The following KCNMA1 variants were observed in gnomAD, a reference collection of about 807,000 sequenced individuals.
KCNMA1 encodes the protein Calcium-activated potassium channel subunit alpha-1.
Under a neutral mutation model 140.0 loss-of-function variants are expected in KCNMA1, and 29 were observed. The ratio of observed to expected loss-of-function variants is 0.21; its 90% CI spans 0.15 to 0.28. The LOEUF (loss-of-function observed/expected upper bound fraction) is 0.28. KCNMA1 is among the 10% of genes least tolerant of loss of function. The pLI is 1.00. For synonymous variants in KCNMA1, 612 were observed against 611.9 expected (o/e 1.00, Z 0.00); for missense variants, 880 against 1,602.2 (o/e 0.55, Z 7.70).
intron 3 of KCNMA1, among the ~76,000 whole-genome samples, chr10:77,229,102 A>G (rs1385351604): frequency 1.3e-5 from 2 of 152,164 alleles, no homozygotes; most frequent in East Asian, 3.9e-4. Context: ...CATGTTCTTG[A>G]AGGAACTTGA....
intron 1 of KCNMA1, among the ~76,000 whole-genome samples, chr10:77,417,760 T>C (rs2096774411): frequency 1.3e-5 from 2 of 152,232 alleles, no homozygotes; most frequent in Admixed American, 1.3e-4. Context: ...TGGATGGGGC[T>C]TGGCTTCGGG....
At chr10:77,502,528 A>G (rs2044287846) in intron 1 of KCNMA1, among the ~76,000 whole-genome samples, 1 of 152,190 alleles carries the variant, frequency 6.6e-6, no homozygotes, top group African/African-American at 2.4e-5. Flanking sequence ...ATCAGAGCTC[A>G]GATTGAAGCT....
chr10:77,027,319 T>C (rs1288720833), intron 16 of KCNMA1, among the ~76,000 whole-genome samples: 1 of 152,150 alleles, frequency 6.6e-6, no homozygotes, highest in African/African-American at 2.4e-5. Context: ...CTCATTTACA[T>C]GAAGCTGATA....
chr10:77,334,520 A>G (rs2087995057), intron 2 of KCNMA1, among the ~76,000 whole-genome samples: 1 of 152,168 alleles, frequency 6.6e-6, no homozygotes, highest in African/African-American at 2.4e-5. Context: ...CACAATCATC[A>G]CTACCATCAC....
At chr10:77,258,822 G>C (rs1478348491) in intron 2 of KCNMA1, among the ~76,000 whole-genome samples, 1 of 152,102 alleles carries the variant, frequency 6.6e-6, no homozygotes, top group Non-Finnish European at 1.5e-5. Context: ...AATTAGCTGG[G>C]TGTGGTGGCA....
At chr10:77,617,608 T>G (rs887057896) in intron 1 of KCNMA1, among the ~76,000 whole-genome samples, 2 of 152,192 alleles carry the variant, frequency 1.3e-5, no homozygotes, top group Non-Finnish European at 2.9e-5. Flanking sequence ...CAGAAAACCC[T>G]GGGTTCTAAT....
chr10:77,597,760 A>G (rs2081353934), intron 1 of KCNMA1, among the ~76,000 whole-genome samples: 1 of 151,936 alleles, frequency 6.6e-6, no homozygotes, highest in Admixed American at 6.6e-5. Context: ...CTTTGCACTT[A>G]CCCTTGGCCT....
chr10:77,087,170 T>C (rs1046323070), intron 10 of KCNMA1, among the ~76,000 whole-genome samples: 4 of 152,104 alleles, frequency 2.6e-5, no homozygotes, highest in East Asian at 3.9e-4. Context: ...TCTCCTATCC[T>C]TGGACTGGGG....
chr10:77,600,790 T>A (rs534927687), intron 1 of KCNMA1, among the ~76,000 whole-genome samples: 1 of 151,544 alleles, frequency 6.6e-6, no homozygotes, highest in Non-Finnish European at 1.5e-5. Context: ...TATGCGCACA[T>A]GCACACACAC....
chr10:77,561,058 C>T (rs2066211340), intron 1 of KCNMA1, among the ~76,000 whole-genome samples: 2 of 149,672 alleles, frequency 1.3e-5, no homozygotes, highest in Admixed American at 6.6e-5. Context: ...TATGGAAACA[C>T]TTTTTTTTTT....
chr10:77,451,117 C>T (rs937666373), intron 1 of KCNMA1, among the ~76,000 whole-genome samples: 2 of 152,132 alleles, frequency 1.3e-5, no homozygotes, highest in African/African-American at 4.8e-5. Flanking sequence ...TATGTCTTTA[C>T]TAGCAGCATG....
intron 1 of KCNMA1, among the ~76,000 whole-genome samples, chr10:77,579,563 G>A (rs532173890): frequency 2.6e-5 from 4 of 152,128 alleles, no homozygotes; most frequent in Non-Finnish European, 5.9e-5. Flanking sequence ...ACCATTTAAA[G>A]AGATAGAACC....
At position 76,941,069 on chromosome 10, in the gene KCNMA1, A is replaced by AAGAAAGAAAGAAAGAG. The variant is rs1554961013; in HGVS notation, c.2902+3703_2902+3704insCTCTTTCTTTCTTTCT. Among the ~76,000 whole-genome samples, 265 of 68,668 alleles carry AAGAAAGAAAGAAAGAG rather than the reference A, an allele frequency of 3.9e-3. 4 individuals are homozygous for AAGAAAGAAAGAAAGAG. Among genetic ancestry groups the AAGAAAGAAAGAAAGAG allele is most frequent in the African/African-American group, 5.5e-3 (104 of 18,788 alleles). The allele number at this position is 68,668 out of a possible 152,430, so 45.0% of individuals were successfully genotyped here. ...AGAAAGAAAGAGAAAGAAAGAAAGA[A>AAGAAAGAAAGAAAGAG]AAAGAAAGAAAGAAAGAGAAAGAAA... On this transcript the variant is annotated intron_variant, in intron 23 of 27. Transcript: ENST00000286628.
intron 1 of KCNMA1, among the ~76,000 whole-genome samples, chr10:77,576,843 G>A (rs565857158): frequency 6.6e-6 from 1 of 152,158 alleles, no homozygotes; most frequent in Non-Finnish European, 1.5e-5. Context: ...ACCTGTCCAA[G>A]TCATTTAACG....
At chr10:77,485,312 C>T (rs543058619) in intron 1 of KCNMA1, among the ~76,000 whole-genome samples, 3 of 152,334 alleles carry the variant, frequency 2.0e-5, no homozygotes, top group Admixed American at 6.5e-5. Flanking sequence ...TTAACATTTT[C>T]TTCCCCTATT....
intron 12 of KCNMA1, among the ~76,000 whole-genome samples, chr10:77,083,701 G>A (rs2096632124): frequency 6.6e-6 from 1 of 151,952 alleles, no homozygotes; most frequent in African/African-American, 2.4e-5. Context: ...CATGTGTGGT[G>A]GCACATTCCT....
chr10:77,596,007 A>G (rs939006956), intron 1 of KCNMA1, among the ~76,000 whole-genome samples: 2 of 152,244 alleles, frequency 1.3e-5, no homozygotes, highest in African/African-American at 2.4e-5. Flanking sequence ...TGGACAGGCC[A>G]TGCTGGGCCA....
chr10:77,489,585 T>C (rs1484339823), intron 1 of KCNMA1, among the ~76,000 whole-genome samples: 1 of 152,152 alleles, frequency 6.6e-6, no homozygotes, highest in African/African-American at 2.4e-5. Context: ...GTGATCCGCC[T>C]GCCTCAGCCT....
chr10:77,110,057 G>T, intron 8 of KCNMA1, 116 bp downstream of exon 8: 1 of 928,438 alleles, frequency 1.1e-6, no homozygotes, highest in Non-Finnish European at 1.7e-6. Context: ...TGATTGTAAC[G>T]TTAAGGCTTG....
Sources: allele counts gnomAD v4.1 joint callset (sites outside exome capture counted in the v4.1 genomes callset), GRCh38; gene constraint gnomAD v4.1.1; transcripts MANE v1.5; gene names NCBI Gene and HGNC (gene_info 2026-07-23, HGNC 2026-07-21).